The following PGCKA1 variants were observed in gnomAD, a reference collection of about 807,000 sequenced individuals.
PGCKA1 encodes PDCD10 and GCKIII kinases-associated protein 1.
At chr4:37,536,368 A>G in the PGCKA1 span, among the ~76,000 whole-genome samples, 2,266 of 115,794 alleles carry the variant, frequency 0.02, 56 homozygotes, top group African/African-American at 0.055. Context: ...GCAGCTTAAA[A>G]CAACAAACTT....
At chr4:37,502,023 A>G in the PGCKA1 span, among the ~76,000 whole-genome samples, 1 of 152,194 alleles carries the variant, frequency 6.6e-6, no homozygotes, top group Non-Finnish European at 1.5e-5. Flanking sequence ...CCTAGACTGC[A>G]TGCCCTAAGG....
chr4:37,481,464 C>CAAAAAAAAAAAAAAAAAAAAAAAAAAA, the PGCKA1 span, among the ~76,000 whole-genome samples: 1 of 61,442 alleles, frequency 1.6e-5, no homozygotes, highest in Admixed American at 1.5e-4. Flanking sequence ...GACCTGTCTC[C>CAAAAAAAAAAAAAAAAAAAAAAAAAAA]AAAAAAAAAA....
chr4:37,492,152 C>G, the PGCKA1 span, among the ~76,000 whole-genome samples: 1 of 152,022 alleles, frequency 6.6e-6, no homozygotes, highest in Non-Finnish European at 1.5e-5. This position sits in a 1 kb window ranked among gnomAD's most constrained non-coding sequence, Gnocchi z 4.7. Context: ...AGTGATTCTC[C>G]TACCTCAGCC....
the PGCKA1 span, among the ~76,000 whole-genome samples, chr4:37,496,577 G>A: frequency 6.6e-6 from 1 of 152,152 alleles, no homozygotes. Context: ...GATTGCCTTG[G>A]CCATTTGGGC....
chr4:37,478,846 T>C, the PGCKA1 span, among the ~76,000 whole-genome samples: 19 of 152,218 alleles, frequency 1.2e-4, no homozygotes, highest in Admixed American at 3.9e-4. Flanking sequence ...GGTGTCTTCT[T>C]TTCTCAAATG....
At chr4:37,511,338 C>T in the PGCKA1 span, among the ~76,000 whole-genome samples, 1 of 152,124 alleles carries the variant, frequency 6.6e-6, no homozygotes, top group Non-Finnish European at 1.5e-5. Flanking sequence ...ATGTCTGAGT[C>T]TCACCCAAGG....
the PGCKA1 span, among the ~76,000 whole-genome samples, chr4:37,490,433 A>T: frequency 1.3e-5 from 2 of 152,162 alleles, no homozygotes; most frequent in Non-Finnish European, 2.9e-5. Context: ...TGTAGGAGTG[A>T]CTTGGCCAAT....
At chr4:37,525,564 A>G in the PGCKA1 span, among the ~76,000 whole-genome samples, 1 of 152,184 alleles carries the variant, frequency 6.6e-6, no homozygotes, top group African/African-American at 2.4e-5. Flanking sequence ...ATGAAGTCTC[A>G]AGTCTTTATT....
the PGCKA1 span, among the ~76,000 whole-genome samples, chr4:37,526,025 T>C: frequency 6.6e-6 from 1 of 152,160 alleles, no homozygotes; most frequent in East Asian, 1.9e-4. Flanking sequence ...TAAACAAAAA[T>C]CTACATTTGT....
At chr4:37,470,138 C>T in the PGCKA1 span, among the ~76,000 whole-genome samples, 21 of 152,102 alleles carry the variant, frequency 1.4e-4, no homozygotes, top group Non-Finnish European at 2.4e-4. Context: ...GAGCTACTAC[C>T]GGGGAACTTG....
chr4:37,516,471 TATGATGCATCAA>T, the PGCKA1 span, among the ~76,000 whole-genome samples: 2 of 152,214 alleles, frequency 1.3e-5, no homozygotes, highest in Non-Finnish European at 2.9e-5. Flanking sequence ...TTATAAACCA[TATGATGCATCAA>T]ATAGAAATTT....
chr4:37,486,321 T>C, the PGCKA1 span, among the ~76,000 whole-genome samples: 991 of 152,268 alleles, frequency 6.5e-3, 23 homozygotes, highest in East Asian at 0.075. Flanking sequence ...GCCTGGTAAT[T>C]ACATTGTTTA....
the PGCKA1 span, among the ~76,000 whole-genome samples, chr4:37,581,252 C>G: frequency 6.6e-6 from 1 of 152,278 alleles, no homozygotes; most frequent in East Asian, 1.9e-4. This position sits in a 1 kb window ranked among gnomAD's most constrained non-coding sequence, Gnocchi z 4.4. Context: ...GAGCTGGTAC[C>G]TAAAGTGCAA....
chr4:37,564,690 A>G, the PGCKA1 span, among the ~76,000 whole-genome samples: 1 of 152,002 alleles, frequency 6.6e-6, no homozygotes, highest in Non-Finnish European at 1.5e-5. Context: ...TATTTTTAGT[A>G]GAGATGGGGT....
chr4:37,545,412 A>T, the PGCKA1 span, among the ~76,000 whole-genome samples: 2 of 152,212 alleles, frequency 1.3e-5, no homozygotes, highest in Admixed American at 1.3e-4. Context: ...GCTGAGACGG[A>T]AAGTAGAAAC....
the PGCKA1 span, among the ~76,000 whole-genome samples, chr4:37,510,813 A>T: frequency 6.6e-6 from 1 of 152,012 alleles, no homozygotes; most frequent in Non-Finnish European, 1.5e-5. Context: ...CCTAGGCACA[A>T]TGTGGGTCCA....
chr4:37,471,955 G>A, the PGCKA1 span, among the ~76,000 whole-genome samples: 1 of 152,118 alleles, frequency 6.6e-6, no homozygotes, highest in Non-Finnish European at 1.5e-5. Context: ...AATCTGAGTT[G>A]GATAGAAGGA....
At chr4:37,484,219 G>T in the PGCKA1 span, among the ~76,000 whole-genome samples, 1 of 152,256 alleles carries the variant, frequency 6.6e-6, no homozygotes, top group Non-Finnish European at 1.5e-5. Context: ...AAGAAAAAGA[G>T]GTTTAATGGA....
the PGCKA1 span, among the ~76,000 whole-genome samples, chr4:37,566,671 C>A: frequency 6.6e-6 from 1 of 152,182 alleles, no homozygotes; most frequent in Non-Finnish European, 1.5e-5. Flanking sequence ...GCAACCTCTG[C>A]CTCCTGGGTT....
Sources: allele counts gnomAD v4.1 joint callset (sites outside exome capture counted in the v4.1 genomes callset), GRCh38; gene constraint gnomAD v4.1.1; non-coding constraint Gnocchi (gnomAD v3.1); transcripts MANE v1.5; gene names NCBI Gene and HGNC (gene_info 2026-07-23, HGNC 2026-07-21).